PCDHA6: variants seen among roughly 807,000 people sequenced by gnomAD.
PCDHA6 encodes protocadherin alpha-6.
In PCDHA6, 55 loss-of-function variants were observed where a neutral mutation model predicts 60.3. The ratio of observed to expected loss-of-function variants is 0.91; its 90% CI spans 0.73 to 1.14. PCDHA6 has a LOEUF of 1.14. Ranked by LOEUF, PCDHA6 falls within the 50% of genes most tolerant of loss-of-function variation. PCDHA6 has a pLI of 0.00. For missense variants in PCDHA6, 1,327 were observed against 1,256.5 expected, an observed-to-expected ratio of 1.06 and a Z score of -0.85; for synonymous variants, 652 against 557.9, an observed-to-expected ratio of 1.17 and a Z score of -2.38.
At chr5:140,952,885 A>G (rs1285549724) in intron 1 of PCDHA6, among the ~76,000 whole-genome samples, 1 of 152,174 alleles carries the variant, frequency 6.6e-6, no homozygotes, top group Non-Finnish European at 1.5e-5. Flanking sequence ...TCATGGTGGA[A>G]GGCAAAGGGG....
At chr5:140,872,960 C>T (rs953236645) in intron 1 of PCDHA6, among the ~76,000 whole-genome samples, 10 of 152,142 alleles carry the variant, frequency 6.6e-5, no homozygotes, top group African/African-American at 2.4e-4. Context: ...GTAGTATCAT[C>T]CCATCTGAAG....
chr5:140,882,926 C>A (rs144073627), intron 1 of PCDHA6: 1 of 1,614,058 alleles, frequency 6.2e-7, no homozygotes, highest in Non-Finnish European at 8.5e-7. Flanking sequence ...TGGAGGTAAA[C>A]CCGAGCTGAC....
At chr5:140,891,040 C>G (rs2062916193) in intron 1 of PCDHA6, among the ~76,000 whole-genome samples, 1 of 144,978 alleles carries the variant, frequency 6.9e-6, no homozygotes, top group Admixed American at 6.6e-5. Context: ...TTAGGTGTGA[C>G]CCCCACAGCA....
chr5:140,882,170 C>G, intron 1 of PCDHA6: 1 of 1,513,564 alleles, frequency 6.6e-7, no homozygotes, highest in Non-Finnish European at 8.8e-7. Flanking sequence ...CTTGCGAATC[C>G]TTCCGCACTA....
chr5:140,913,164 T>C (rs1211762965), intron 1 of PCDHA6, among the ~76,000 whole-genome samples: 1 of 152,208 alleles, frequency 6.6e-6, no homozygotes, highest in Non-Finnish European at 1.5e-5. Flanking sequence ...GGATTGGTAT[T>C]AGTTCTTCTT....
At chr5:140,996,650 G>A (rs943173536) in intron 3 of PCDHA6, among the ~76,000 whole-genome samples, 2 of 152,042 alleles carry the variant, frequency 1.3e-5, no homozygotes, top group Non-Finnish European at 2.9e-5. Context: ...GTTAATCCTG[G>A]GTGCAGGCTA....
chr5:140,961,716 G>A (rs2095631233), intron 1 of PCDHA6, among the ~76,000 whole-genome samples: 1 of 152,082 alleles, frequency 6.6e-6, no homozygotes, highest in African/African-American at 2.4e-5. Flanking sequence ...TCATTTCTAA[G>A]TGCTCATAAA....
At chr5:140,836,595 ACT>A (rs2150265014) in intron 1 of PCDHA6, 1 of 1,613,556 alleles carries the variant, frequency 6.2e-7, no homozygotes, top group Non-Finnish European at 8.5e-7. Context: ...GGTAAAGCCC[ACT>A]CTGGTGTGCT....
chr5:140,876,477 G>A, intron 1 of PCDHA6: 1 of 1,614,034 alleles, frequency 6.2e-7, no homozygotes, highest in Non-Finnish European at 8.5e-7. Flanking sequence ...GTCACAGCAT[G>A]GTCCTGGTGG....
intron 3 of PCDHA6, among the ~76,000 whole-genome samples, chr5:141,008,708 T>G (rs1197464501): frequency 1.3e-5 from 2 of 152,210 alleles, no homozygotes; most frequent in African/African-American, 4.8e-5. Flanking sequence ...GGTTTCTAGT[T>G]GCTTGAGTGT....
intron 1 of PCDHA6, among the ~76,000 whole-genome samples, chr5:140,914,503 T>C (rs2879076): frequency 0.12 from 17,707 of 152,222 alleles, 1,150 homozygotes; most frequent in Middle Eastern, 0.19. Context: ...CAACAGATCA[T>C]TGGGTCATGT....
chr5:140,928,861 A>C (rs781787998), intron 1 of PCDHA6: 3 of 1,614,164 alleles, frequency 1.9e-6, no homozygotes, highest in Non-Finnish European at 2.5e-6. Context: ...TGTGCTGTTG[A>C]GCAACTCTGT....
chr5:140,886,023 C>A (rs759768435), intron 1 of PCDHA6, among the ~76,000 whole-genome samples: 5 of 152,078 alleles, frequency 3.3e-5, no homozygotes, highest in Non-Finnish European at 7.4e-5. Flanking sequence ...GCTATGTATT[C>A]TTCACTAAGT....
intron 1 of PCDHA6, chr5:140,876,999 G>C: frequency 6.2e-7 from 1 of 1,612,546 alleles, no homozygotes; most frequent in Non-Finnish European, 8.5e-7. Flanking sequence ...GCTACGTGTC[G>C]GTGCACGCGG....
rs782182425 is a variant in PCDHA6 at position 140,876,300 on chromosome 5, A to C, written c.2394+45815A>C. On this transcript the variant is annotated intron_variant, in intron 1 of 3. Coordinates refer to ENST00000529310, the MANE Select transcript of PCDHA6 (RefSeq NM_018909.4). ...ATCCAGACGAAGGACTTAATGGAGA[A>C]ATTTCCTATGGGATCAAAATGATTT... 2.1e-5 allele frequency: 34 copies of C among 1,613,966 alleles called. No individual in the cohort carries two copies. Among genetic ancestry groups the C allele is most frequent in the Non-Finnish European group, 2.9e-5 (34 of 1,179,910 alleles).
At chr5:140,862,839 G>A in intron 1 of PCDHA6, 1 of 574,670 alleles carries the variant, frequency 1.7e-6, no homozygotes, top group Non-Finnish European at 3.3e-6. Flanking sequence ...ACGCGGGCAT[G>A]CCGCCTCTGA....
chr5:140,937,560 T>A (rs933672983), intron 1 of PCDHA6, among the ~76,000 whole-genome samples: 1 of 152,060 alleles, frequency 6.6e-6, no homozygotes, highest in Non-Finnish European at 1.5e-5. Flanking sequence ...GAGGTTGCAG[T>A]GAGCTGGGAT....
rs2154002003 is a variant in PCDHA6, at chr5:141,010,389, G to GAC, written c.*453_*454dup. The stretch of plus-strand genomic sequence containing the variant: ...TATGCGAGTGCCAGATATTGGCTGA[G>GAC]ACGAGCCAGCTTAGACTAATTGGTA... On this transcript the variant is annotated 3_prime_UTR_variant, in exon 4 of 4. Coordinates refer to ENST00000529310, the MANE Select transcript of PCDHA6 (RefSeq NM_018909.4). 1.4e-6 allele frequency: 2 copies of GAC among 1,400,314 alleles called. No individual in the cohort carries two copies. The highest frequency in any genetic ancestry group is 5.0e-5 in the East Asian group (2 of 40,030). The allele number at this position is 1,400,314 out of a possible 1,614,324, so 86.7% of individuals were successfully genotyped here. A position where few individuals can be genotyped will look rare whatever the true frequency, so the allele number is the denominator to read the frequency against.
chr5:140,850,795 CCGA>C, intron 1 of PCDHA6: 1 of 1,598,426 alleles, frequency 6.3e-7, no homozygotes, highest in Non-Finnish European at 8.6e-7. Flanking sequence ...AAGCAGAAGA[CCGA>C]CCTCATGGCC....
Sources: allele counts gnomAD v4.1 joint callset (sites outside exome capture counted in the v4.1 genomes callset), GRCh38; gene constraint gnomAD v4.1.1; transcripts MANE v1.5; gene names NCBI Gene and HGNC (gene_info 2026-07-23, HGNC 2026-07-21).